Variants in PDK1 observed in about 807,000 individuals in gnomAD.
PDK1 encodes the protein pyruvate dehydrogenase kinase 1.
PDK1 carries 39 observed loss-of-function variants against 54.2 expected under a neutral mutation model. That is an observed-to-expected ratio of 0.72 (90% confidence interval 0.56 to 0.94). PDK1 has a LOEUF of 0.94. Among genes scored for constraint, PDK1 ranks in the 40% least tolerant of loss-of-function variants. The probability of loss-of-function intolerance (pLI) is 0.00; values close to 1 mark genes in which losing one functional copy is unlikely to be tolerated. For synonymous variants in PDK1, 221 were observed against 207.1 expected, an observed-to-expected ratio of 1.07 and a Z score of -0.58; for missense variants, 552 against 566.0, an observed-to-expected ratio of 0.98 and a Z score of 0.25.
chr2:172,700,144 T>C, the PDK1 span, among the ~76,000 whole-genome samples: 2 of 152,228 alleles, frequency 1.3e-5, no homozygotes, highest in Admixed American at 6.5e-5. Context: ...TGGAGTCTCC[T>C]ATGTCTACTT....
intron 8 of PDK1, among the ~76,000 whole-genome samples, chr2:172,571,429 TC>T (rs1469613539): frequency 1.3e-5 from 2 of 152,202 alleles, no homozygotes; most frequent in Non-Finnish European, 2.9e-5. Context: ...AGTGGTGTGA[TC>T]ATCACTCACT....
At chr2:172,582,205 C>T (rs535354670) in intron 8 of PDK1, among the ~76,000 whole-genome samples, 9 of 152,172 alleles carry the variant, frequency 5.9e-5, no homozygotes, top group African/African-American at 1.2e-4. Context: ...TGAGCCACAG[C>T]GCCTGGCCTA....
the PDK1 span, among the ~76,000 whole-genome samples, chr2:172,697,479 T>C: frequency 6.6e-6 from 1 of 152,196 alleles, no homozygotes. Flanking sequence ...CCACTGGCCA[T>C]ATTAATCAGG....
Position 172,596,666 on chromosome 2 carries a change from C to G in PDK1, c.*697C>G, listed in dbSNP as rs1400354041. On this transcript the variant is annotated 3_prime_UTR_variant, in exon 11 of 11. Coordinates refer to ENST00000282077, the MANE Select transcript of PDK1 (RefSeq NM_002610.5). ...AATTTTTATACTGAAAACAAACAAA[C>G]AAACTAGCAGCTACTAAAATAGAGA... 2 of 152,130 alleles carry G rather than the reference C, an allele frequency of 1.3e-5. No individual in the cohort carries two copies. The highest frequency in any genetic ancestry group is 2.9e-5 in the Non-Finnish European group (2 of 68,022). The allele number at this position is 152,130 out of a possible 1,614,324, so 9.4% of individuals were successfully genotyped here.
the PDK1 span, among the ~76,000 whole-genome samples, chr2:172,635,377 G>T: frequency 2.0e-5 from 3 of 152,132 alleles, no homozygotes; most frequent in Admixed American, 2.0e-4. Flanking sequence ...GCGCAATGGT[G>T]CGATCTTGGC....
chr2:172,714,538 T>C, the PDK1 span, among the ~76,000 whole-genome samples: 1 of 152,072 alleles, frequency 6.6e-6, no homozygotes, highest in Non-Finnish European at 1.5e-5. Flanking sequence ...AGCTGAGTGG[T>C]AAAATTTTCT....
At chr2:172,578,935 A>G (rs6708330) in intron 8 of PDK1, among the ~76,000 whole-genome samples, 196 of 152,292 alleles carry the variant, frequency 1.3e-3, no homozygotes, top group African/African-American at 4.6e-3. Flanking sequence ...AATATCTTCA[A>G]CACTCAGCCA....
chr2:172,634,796 T>A, the PDK1 span, among the ~76,000 whole-genome samples: 1 of 151,130 alleles, frequency 6.6e-6, no homozygotes, highest in African/African-American at 2.4e-5. Context: ...AAAGATAAGG[T>A]TTTTTATTTT....
the PDK1 span, among the ~76,000 whole-genome samples, chr2:172,643,479 G>T: frequency 1.3e-5 from 2 of 152,142 alleles, no homozygotes; most frequent in Admixed American, 1.3e-4. Flanking sequence ...TAGCCTCAAG[G>T]CATCTCTTCT....
At chr2:172,675,026 G>C in the PDK1 span, 1 of 152,256 alleles carries the variant, frequency 6.6e-6, no homozygotes, top group Non-Finnish European at 1.5e-5. Context: ...ATAATGATCT[G>C]TGATCAGTGG....
At chr2:172,671,985 C>T in the PDK1 span, among the ~76,000 whole-genome samples, 3 of 152,042 alleles carry the variant, frequency 2.0e-5, no homozygotes, top group South Asian at 2.1e-4. Flanking sequence ...AGTCAGCTGC[C>T]GTTTTTCTCT....
At chr2:172,629,530 C>T in the PDK1 span, among the ~76,000 whole-genome samples, 1 of 152,178 alleles carries the variant, frequency 6.6e-6, no homozygotes, top group South Asian at 2.1e-4. Context: ...CCCAATCCAT[C>T]CCCTTTCCAG....
At chr2:172,612,376 C>A (rs1423147970), downstream of PDK1, among the ~76,000 whole-genome samples, 1 of 152,156 alleles carries the variant, frequency 6.6e-6, no homozygotes, top group Non-Finnish European at 1.5e-5. Context: ...CAATGCTTAG[C>A]ACATTTCCTG....
At chr2:172,560,962 T>G (rs1215667993) in intron 2 of PDK1, among the ~76,000 whole-genome samples, 1 of 152,268 alleles carries the variant, frequency 6.6e-6, no homozygotes, top group Non-Finnish European at 1.5e-5. Context: ...TTTCTTTTTG[T>G]AAGCATTATA....
chr2:172,567,904 T>G (rs1324917020), intron 6 of PDK1, among the ~76,000 whole-genome samples: 2 of 152,248 alleles, frequency 1.3e-5, no homozygotes, highest in African/African-American at 4.8e-5. Context: ...GGGCTCCTAT[T>G]AAGTGTTTAA....
intron 8 of PDK1, among the ~76,000 whole-genome samples, chr2:172,571,674 A>T (rs1380171128): frequency 6.6e-6 from 1 of 152,152 alleles, no homozygotes; most frequent in Non-Finnish European, 1.5e-5. Context: ...GCATGGCTCC[A>T]GTTTAAGAGT....
intron 8 of PDK1, among the ~76,000 whole-genome samples, chr2:172,584,819 GT>G (rs1690121567): frequency 1.4e-5 from 2 of 145,374 alleles, no homozygotes; most frequent in South Asian, 4.5e-4. Context: ...CCACATCTGG[GT>G]AATTTTAAAG....
At chr2:172,698,323 T>C in the PDK1 span, among the ~76,000 whole-genome samples, 3 of 152,102 alleles carry the variant, frequency 2.0e-5, no homozygotes, top group Non-Finnish European at 4.4e-5. Flanking sequence ...CAAGAAAATA[T>C]AGCATAAGTT....
the PDK1 span, among the ~76,000 whole-genome samples, chr2:172,647,946 C>T: frequency 2.0e-5 from 3 of 152,174 alleles, no homozygotes; most frequent in Admixed American, 6.5e-5. Flanking sequence ...TTGTAATATT[C>T]GTGCCAGAAA....
Sources: allele counts gnomAD v4.1 joint callset (sites outside exome capture counted in the v4.1 genomes callset), GRCh38; gene constraint gnomAD v4.1.1; transcripts MANE v1.5; gene names NCBI Gene and HGNC (gene_info 2026-07-23, HGNC 2026-07-21).